The following AKT3 variants were observed in gnomAD, a reference collection of about 807,000 sequenced individuals.
AKT3 encodes AKT serine/threonine kinase 3.
AKT3 carries 15 observed loss-of-function variants against 65.3 expected under a neutral mutation model. That is an observed-to-expected ratio of 0.23 (90% CI 0.15 to 0.35). AKT3 has a LOEUF of 0.35. Among genes scored for constraint, AKT3 ranks in the 10% least tolerant of loss-of-function variants. The pLI, the probability that AKT3 is intolerant of heterozygous loss-of-function variation, is 1.00. For missense variants in AKT3, 243 were observed against 576.5 expected, an observed-to-expected ratio of 0.42 and a Z score of 5.92; for synonymous variants, 206 against 183.8, an observed-to-expected ratio of 1.12 and a Z score of -0.98.
At chr1:243,666,391 T>C (rs1682782984) in intron 3 of AKT3, among the ~76,000 whole-genome samples, 1 of 152,202 alleles carries the variant, frequency 6.6e-6, no homozygotes, top group African/African-American at 2.4e-5. Context: ...TTACATGTTT[T>C]CAGCAATCAT....
chr1:243,667,092 A>T (rs987014132), intron 3 of AKT3, among the ~76,000 whole-genome samples: 3 of 152,172 alleles, frequency 2.0e-5, no homozygotes, highest in Non-Finnish European at 4.4e-5. Flanking sequence ...TACAATCTCC[A>T]TTGAGTGTGT....
intron 6 of AKT3, among the ~76,000 whole-genome samples, chr1:243,637,042 G>A (rs1019774248): frequency 1.3e-5 from 2 of 152,144 alleles, no homozygotes; most frequent in African/African-American, 4.8e-5. Flanking sequence ...TGTATCTCCT[G>A]AGGGAATTGG....
intron 10 of AKT3, among the ~76,000 whole-genome samples, chr1:243,563,297 A>G (rs993610167): frequency 1.3e-5 from 2 of 152,172 alleles, no homozygotes; most frequent in Non-Finnish European, 2.9e-5. Context: ...CATTTCAATA[A>G]TTTTCCCAAT....
At chr1:243,490,611 G>T (rs1057486680) in intron 13 of AKT3, among the ~76,000 whole-genome samples, 2 of 152,262 alleles carry the variant, frequency 1.3e-5, no homozygotes, top group African/African-American at 2.4e-5. Context: ...CAGTGGGCAT[G>T]GTGCACGCCT....
intron 2 of AKT3, among the ~76,000 whole-genome samples, chr1:243,838,505 T>C (rs542276257): frequency 5.3e-5 from 8 of 152,142 alleles, no homozygotes; most frequent in South Asian, 4.1e-4. Context: ...AAAAAACACA[T>C]GCATGCACAA....
chr1:243,850,585 G>T (rs1314272567), upstream of AKT3, among the ~76,000 whole-genome samples: 1 of 149,362 alleles, frequency 6.7e-6, no homozygotes, highest in Non-Finnish European at 1.5e-5. Flanking sequence ...GGCCGCCGCC[G>T]ATCGGTTCTC....
intron 2 of AKT3, among the ~76,000 whole-genome samples, chr1:243,840,364 C>A (rs1303072609): frequency 6.6e-6 from 1 of 150,510 alleles, no homozygotes; most frequent in South Asian, 2.1e-4. Flanking sequence ...GGGTGGGGGG[C>A]AAGGTAAGGG....
At chr1:243,625,289 G>C (rs1226089599) in intron 6 of AKT3, among the ~76,000 whole-genome samples, 2 of 151,794 alleles carry the variant, frequency 1.3e-5, no homozygotes, top group Admixed American at 1.3e-4. Context: ...ATGCCACCAA[G>C]CCAAGCTAAT....
In AKT3 at chr1:243,504,678, T is replaced by C. The variant is rs2148343867; in HGVS notation, c.*571A>G. On this transcript the variant is annotated 3_prime_UTR_variant, in exon 14 of 14. Coordinates refer to ENST00000673466, the MANE Select transcript of AKT3 (RefSeq NM_005465.7). ...TATCCCAACAGTTGTTCAGTCCTTCTACCAAATGCTTCCTAATCAATTCCA... is the reference window on the plus strand; with the variant it reads ...TATCCCAACAGTTGTTCAGTCCTTCCACCAAATGCTTCCTAATCAATTCCA... 5.6e-6 allele frequency: 1 copy of C among 178,400 alleles called. No homozygotes were observed. Among genetic ancestry groups the C allele is most frequent in the East Asian group, 9.4e-5 (1 of 10,632 alleles). The allele number at this position is 178,400 out of a possible 1,614,324, so 11.1% of individuals were successfully genotyped here. A position where few individuals can be genotyped will look rare whatever the true frequency, so the allele number is the denominator to read the frequency against.
chr1:243,847,998 A>G (rs1695590565), intron 1 of AKT3, among the ~76,000 whole-genome samples: 2 of 152,302 alleles, frequency 1.3e-5, no homozygotes, highest in Non-Finnish European at 2.9e-5. Context: ...TAATTTCACA[A>G]TTTTTGCAGG....
intron 5 of AKT3, among the ~76,000 whole-genome samples, chr1:243,641,273 T>TACAC (rs974876841): frequency 6.9e-6 from 1 of 144,684 alleles, no homozygotes; most frequent in African/African-American, 2.7e-5. Context: ...TATATATATA[T>TACAC]ACACACACAC....
intron 12 of AKT3, among the ~76,000 whole-genome samples, chr1:243,537,035 G>C (rs1321955838): frequency 6.6e-6 from 1 of 152,020 alleles, no homozygotes; most frequent in African/African-American, 2.4e-5. Flanking sequence ...AACTCTTCAG[G>C]CTGAATATCT....
chr1:243,657,773 G>C (rs1229438975), intron 4 of AKT3, among the ~76,000 whole-genome samples: 1 of 152,082 alleles, frequency 6.6e-6, no homozygotes, highest in Non-Finnish European at 1.5e-5. Flanking sequence ...AAAACAGATT[G>C]GTACTGGCAT....
At chr1:243,763,296 A>T (rs1200957712) in intron 2 of AKT3, among the ~76,000 whole-genome samples, 1 of 152,130 alleles carries the variant, frequency 6.6e-6, no homozygotes, top group South Asian at 2.1e-4. Flanking sequence ...GTAATTTTCC[A>T]ATTGGTAAGC....
chr1:243,815,630 T>TG, intron 2 of AKT3, among the ~76,000 whole-genome samples: 1 of 151,712 alleles, frequency 6.6e-6, no homozygotes, highest in East Asian at 1.9e-4. Context: ...TTTTTTTTTT[T>TG]GGCAGGATCT....
chr1:243,506,738 C>T (rs979678989), intron 13 of AKT3, among the ~76,000 whole-genome samples: 5 of 152,290 alleles, frequency 3.3e-5, no homozygotes, highest in African/African-American at 4.8e-5. Context: ...ACACTGAACT[C>T]GGAGGCCCTC....
intron 8 of AKT3, among the ~76,000 whole-genome samples, chr1:243,593,417 G>C (rs758542098): frequency 2.0e-5 from 3 of 152,106 alleles, no homozygotes; most frequent in Non-Finnish European, 2.9e-5. Flanking sequence ...AAGAAAGCCG[G>C]GCACAGTGTC....
chr1:243,837,375 T>C (rs1694955986), intron 2 of AKT3, among the ~76,000 whole-genome samples: 1 of 152,120 alleles, frequency 6.6e-6, no homozygotes, highest in South Asian at 2.1e-4. Flanking sequence ...GCTTCACTGA[T>C]ACATTTTGTC....
chr1:243,492,555 TAGCCTCCTA>T (rs1666768588), intron 13 of AKT3, among the ~76,000 whole-genome samples: 1 of 150,844 alleles, frequency 6.6e-6, no homozygotes, highest in Non-Finnish European at 1.5e-5. Context: ...CCGCCCACCT[TAGCCTCCTA>T]AAGTGCTGGG....
Sources: gnomAD v4.1 joint callset for allele counts (sites outside exome capture counted in the v4.1 genomes callset) on GRCh38, gnomAD v4.1.1 for gene constraint, MANE v1.5 for transcripts, NCBI Gene and HGNC (gene_info 2026-07-23, HGNC 2026-07-21) for gene names.